Variants in CHRDL1 observed in about 807,000 individuals in gnomAD.
CHRDL1 encodes chordin like 1.
In CHRDL1, 19 loss-of-function variants were observed where a neutral mutation model predicts 40.9. The ratio of observed to expected loss-of-function variants is 0.46; its 90% CI spans 0.32 to 0.68. The LOEUF is 0.68. Ranked by LOEUF, CHRDL1 falls within the 30% of genes least tolerant of loss-of-function variation. The pLI, the probability that CHRDL1 is intolerant of heterozygous loss-of-function variation, is 0.03. For synonymous variants in CHRDL1, 136 were observed against 123.4 expected (o/e 1.10, Z -0.68); for missense variants, 329 against 352.1 (o/e 0.93, Z 0.53).
rs762530100 is a variant in CHRDL1, at chrX:110,688,626, C to G, written c.956G>C (p.Cys319Ser). The G allele has an allele frequency of 8.3e-7, 1 of 1,210,606 alleles. No individual in the cohort carries two copies. The highest frequency in any genetic ancestry group is 2.2e-5 in the Admixed American group (1 of 45,906). ...CKYPQKIDGK[C>S]CKVCPGKKAK... ...TTTTTTACCTGGACACACCTTGCAG[C>G]ATTTTCCGTCTATTTTTTGAGGATA... Residue 319 changes from cysteine (C) to serine (S), a missense_variant, in exon 9 of 12, where the codon TGC becomes TCC. Coordinates refer to ENST00000372042, the MANE Select transcript of CHRDL1 (RefSeq NM_001143981.2).
At chrX:110,716,362 G>A (rs1438243195) in intron 6 of CHRDL1, among the ~76,000 whole-genome samples, 1 of 109,847 alleles carries the variant, frequency 9.1e-6, no homozygotes, top group Non-Finnish European at 1.9e-5. Flanking sequence ...TTCATTTAAA[G>A]AGCACCTACT....
In CHRDL1 at chrX:110,792,221, G is replaced by A. The variant is rs376858475; in HGVS notation, c.-34-6C>T. ...AAGGTGACAGAACCTTCAAGCTGTTGGGAAGAAAGCAGAAAAAAGACTTAA... is the reference window on the plus strand; with the variant it reads ...AAGGTGACAGAACCTTCAAGCTGTTAGGAAGAAAGCAGAAAAAAGACTTAA... On this transcript the variant is annotated splice_region_variant and splice_polypyrimidine_tract_variant and intron_variant, in intron 1 of 11. Transcript: ENST00000372042. 8 of 848,584 alleles carry A rather than the reference G, an allele frequency of 9.4e-6. No homozygotes were observed. The highest frequency in any genetic ancestry group is 2.3e-5 in the South Asian group (1 of 43,482). 69.9% of individuals were successfully genotyped at this position (848,584 alleles called of 1,213,427 possible).
intron 6 of CHRDL1, among the ~76,000 whole-genome samples, chrX:110,712,850 G>A (rs1179829130): frequency 8.9e-6 from 1 of 111,797 alleles, no homozygotes; most frequent in East Asian, 2.8e-4. Context: ...GACAGAGTGA[G>A]ACCCTGTCTC....
intron 2 of CHRDL1, among the ~76,000 whole-genome samples, chrX:110,766,435 A>G (rs1345276471): frequency 1.8e-5 from 2 of 111,901 alleles, no homozygotes; most frequent in East Asian, 5.6e-4. Flanking sequence ...AGATAAATAA[A>G]ATCGATAGAC....
intron 1 of CHRDL1, 59 bp from the exon 2 acceptor site, chrX:110,792,274 C>G (rs2090115342): frequency 2.1e-6 from 1 of 487,122 alleles, no homozygotes; most frequent in African/African-American, 2.5e-5. Flanking sequence ...TGATAGAGGT[C>G]ACTGATGCTC....
chrX:110,673,868 A>G lies in CHRDL1; in HGVS notation c.*2363T>C, dbSNP rs2069720052. ...ACAAGACTACAGATGATTTTTCAAA[A>G]TTAACTTTTTTATTAATTTAAAAAT... On this transcript the variant is annotated 3_prime_UTR_variant, in exon 12 of 12. Transcript: ENST00000372042. The G allele has an allele frequency of 8.9e-6, 1 of 112,333 alleles. No individual in the cohort carries two copies. Among genetic ancestry groups the G allele is most frequent in the South Asian group, 3.7e-4 (1 of 2,707 alleles). The allele number at this position is 112,333 out of a possible 1,213,427, so 9.3% of individuals were successfully genotyped here. A position where few individuals can be genotyped will look rare whatever the true frequency, so the allele number is the denominator to read the frequency against.
intron 7 of CHRDL1, among the ~76,000 whole-genome samples, chrX:110,698,354 T>C (rs1324892577): frequency 9.0e-6 from 1 of 111,606 alleles, no homozygotes; most frequent in Admixed American, 9.5e-5. Flanking sequence ...ACACACATTT[T>C]ACGCCACCTC....
At chrX:110,789,573 A>G (rs761773583) in intron 2 of CHRDL1, among the ~76,000 whole-genome samples, 1 of 112,780 alleles carries the variant, frequency 8.9e-6, no homozygotes, top group African/African-American at 3.2e-5. Flanking sequence ...AGCATTAGAA[A>G]GAATATGGCA....
At chrX:110,721,116 C>G (rs756741024) in intron 5 of CHRDL1, among the ~76,000 whole-genome samples, 1 of 111,772 alleles carries the variant, frequency 8.9e-6, no homozygotes, top group Non-Finnish European at 1.9e-5. Context: ...TGAAAAGGAG[C>G]GCCGATCAAC....
intron 9 of CHRDL1, among the ~76,000 whole-genome samples, chrX:110,681,993 C>T (rs143092424): frequency 7.1e-5 from 8 of 111,989 alleles, no homozygotes; most frequent in African/African-American, 2.6e-4. Flanking sequence ...TACAAATCTC[C>T]TAGGCACTTA....
At chrX:110,705,204 G>A (rs1190843443) in intron 6 of CHRDL1, among the ~76,000 whole-genome samples, 6 of 104,202 alleles carry the variant, frequency 5.8e-5, no homozygotes, top group Non-Finnish European at 1.2e-4. Flanking sequence ...TGAGTGTGTC[G>A]TGATGTGTAT....
At chrX:110,774,222 T>C (rs1032019031) in intron 2 of CHRDL1, among the ~76,000 whole-genome samples, 3 of 112,034 alleles carry the variant, frequency 2.7e-5, no homozygotes, top group African/African-American at 9.7e-5. Context: ...TAGCACAGTA[T>C]ATATTGTTCC....
intron 2 of CHRDL1, among the ~76,000 whole-genome samples, chrX:110,787,413 T>G (rs1414063758): frequency 8.9e-6 from 1 of 111,805 alleles, no homozygotes; most frequent in African/African-American, 3.3e-5. Context: ...AAAAAACAAT[T>G]AAGAATATAC....
At chrX:110,734,061 G>A (rs1224826709) in intron 4 of CHRDL1, among the ~76,000 whole-genome samples, 2 of 111,134 alleles carry the variant, frequency 1.8e-5, no homozygotes, top group Non-Finnish European at 3.8e-5. Flanking sequence ...CATATCTAGA[G>A]GCAAGGTGAT....
rs769163428 is a variant in CHRDL1, at chrX:110,697,762, T to G, written c.609+2892A>C. Among the ~76,000 whole-genome samples, 13 of 105,776 alleles carry G rather than the reference T, an allele frequency of 1.2e-4. No individual in the cohort carries two copies. In the South Asian group the frequency reaches 5.8e-3, roughly 47 times the overall value. The allele number at this position is 105,776 out of a possible 115,157, so 91.9% of individuals were successfully genotyped here. A position where few individuals can be genotyped will look rare whatever the true frequency, so the allele number is the denominator to read the frequency against. ...AAACAAAATTATGCATGCTTTCATG[T>G]TTTGGCTTTCTAGTCTGCACCTACT... On this transcript the variant is annotated intron_variant, in intron 7 of 11. Transcript: ENST00000372042.
Position 110,689,778 on chromosome X carries a change from T to TATCTATATATATCTATAC in CHRDL1, c.779-993_779-976dup, listed in dbSNP as rs1569462221. ...ATCTATATATCTATATATATCTATA[T>TATCTATATATATCTATAC]ATCTATATATATCTATACATCTATA... On this transcript the variant is annotated intron_variant, in intron 8 of 11. Coordinates refer to ENST00000372042, the MANE Select transcript of CHRDL1 (RefSeq NM_001143981.2). Among the ~76,000 whole-genome samples the TATCTATATATATCTATAC allele has an allele frequency of 9.0e-5, 7 of 77,971 alleles. No individual in the cohort carries two copies. In the East Asian group the frequency reaches 2.4e-3, roughly 27 times the overall value. 67.7% of individuals were successfully genotyped at this position (77,971 alleles called of 115,157 possible).
At chrX:110,741,740 A>C (rs2071364145) in intron 4 of CHRDL1, among the ~76,000 whole-genome samples, 1 of 111,962 alleles carries the variant, frequency 8.9e-6, no homozygotes, top group African/African-American at 3.3e-5. Context: ...CTTGGGCTTA[A>C]GATTTTTAGG....
At chrX:110,708,617 G>A (rs150479429) in intron 6 of CHRDL1, among the ~76,000 whole-genome samples, 1,244 of 111,863 alleles carry the variant, frequency 0.011, 6 homozygotes, top group Non-Finnish European at 0.016. Flanking sequence ...CCTGCCAACA[G>A]TAGCAAGCCA....
At chrX:110,686,894 A>AAAC (rs1556328809) in intron 9 of CHRDL1, among the ~76,000 whole-genome samples, 15 of 102,269 alleles carry the variant, frequency 1.5e-4, no homozygotes, top group Non-Finnish European at 2.7e-4. Flanking sequence ...AAAAAAACAA[A>AAAC]AAATAAAAAA....
Sources: gnomAD v4.1 joint callset for allele counts (sites outside exome capture counted in the v4.1 genomes callset) on GRCh38, gnomAD v4.1.1 for gene constraint, MANE v1.5 for transcripts, NCBI Gene and HGNC (gene_info 2026-07-23, HGNC 2026-07-21) for gene names.